Variants in COL14A1 observed in about 807,000 individuals in gnomAD.
The protein encoded by COL14A1 is collagen alpha-1(XIV) chain.
Under a neutral mutation model 230.3 loss-of-function variants are expected in COL14A1, and 136 were observed. That is an observed-to-expected ratio of 0.59 (90% CI 0.51 to 0.68). The LOEUF is 0.68. Among genes scored for constraint, COL14A1 ranks in the 30% least tolerant of loss-of-function variants. The probability of loss-of-function intolerance (pLI) is 0.00; values close to 1 mark genes in which losing one functional copy is unlikely to be tolerated. For missense variants in COL14A1, 1,976 were observed against 2,215.8 expected (o/e 0.89, Z 2.17); for synonymous variants, 792 against 784.1 (o/e 1.01, Z -0.17).
Position 120,255,270 on chromosome 8 carries a change from A to G in COL14A1, c.2783A>G (p.Lys928Arg). The stretch of plus-strand genomic sequence containing the variant: ...TTGGGTGTTACCAATCTCCAAGCCA[A>G]ACATGTTGAAATGACCAGCTTGTGT... ...LFLGVTNLQA[K>R]HVEMTSLCAH... The change falls in exon 23 of 48, where the codon AAA becomes AGA. Residue 928 changes from lysine (K) to arginine (R), a missense_variant. Lys to Arg is a conservative substitution (Grantham distance 26, BLOSUM62 2). This residue lies in a region of COL14A1 where 1,791 missense variants were observed against 2,019.5 expected (regional missense o/e 0.89). Coordinates refer to ENST00000297848, the MANE Select transcript of COL14A1 (RefSeq NM_021110.4). The G allele has an allele frequency of 1.2e-6, 2 of 1,614,182 alleles. No individual in the cohort carries two copies. Among genetic ancestry groups the G allele is most frequent in the South Asian group, 1.1e-5 (1 of 91,090 alleles).
At chr8:120,257,305 T>C (rs948046193) in intron 23 of COL14A1, among the ~76,000 whole-genome samples, 2 of 152,244 alleles carry the variant, frequency 1.3e-5, no homozygotes, top group Non-Finnish European at 1.5e-5. Context: ...AATGTACTTC[T>C]CATCAACATT....
At chr8:120,261,586 G>A (rs559475033) in intron 23 of COL14A1, among the ~76,000 whole-genome samples, 150 of 152,266 alleles carry the variant, frequency 9.9e-4, no homozygotes, top group African/African-American at 3.5e-3. Context: ...ATTTTTCTAT[G>A]GATGTGGGAA....
chr8:120,270,739 AT>A (rs1819642999), intron 26 of COL14A1, among the ~76,000 whole-genome samples: 1 of 151,812 alleles, frequency 6.6e-6, no homozygotes, highest in East Asian at 1.9e-4. Flanking sequence ...TGCTGGCAAG[AT>A]TGTGGAGAAA....
intron 24 of COL14A1, 77 bp downstream of exon 24, chr8:120,263,091 A>T: frequency 7.0e-7 from 1 of 1,432,792 alleles, no homozygotes; most frequent in East Asian, 2.5e-5. Flanking sequence ...TCCTTATCCC[A>T]TTTAGAAAAA....
chr8:120,346,047 C>G (rs1822498347), intron 45 of COL14A1, among the ~76,000 whole-genome samples: 1 of 152,244 alleles, frequency 6.6e-6, no homozygotes, highest in Non-Finnish European at 1.5e-5. Flanking sequence ...TGAATTGTAT[C>G]AGCATATGGT....
chr8:120,215,880 G>A (rs1817735836), intron 13 of COL14A1, among the ~76,000 whole-genome samples: 1 of 152,194 alleles, frequency 6.6e-6, no homozygotes, highest in Non-Finnish European at 1.5e-5. Context: ...GTTTGGACTG[G>A]TTAAGTTGGA....
chr8:120,147,966 A>T (rs919893407), intron 2 of COL14A1, 36 bp downstream of exon 2: 7 of 1,388,162 alleles, frequency 5.0e-6, no homozygotes, highest in African/African-American at 2.9e-5. Flanking sequence ...AGGGTCTGGG[A>T]CTCTAGCTTT....
intron 40 of COL14A1, among the ~76,000 whole-genome samples, chr8:120,328,694 G>A (rs1168723131): frequency 6.6e-6 from 1 of 152,198 alleles, no homozygotes; most frequent in Non-Finnish European, 1.5e-5. Flanking sequence ...CAGGGTCATA[G>A]ATGAGAGCAC....
At chr8:120,339,097 TACAGGCGTGTGCCACC>T (rs1354543867) in intron 42 of COL14A1, among the ~76,000 whole-genome samples, 10 of 152,198 alleles carry the variant, frequency 6.6e-5, no homozygotes, top group African/African-American at 2.4e-4. Flanking sequence ...TAGCTGGGAC[TACAGGCGTGTGCCACC>T]ACAGGCACGC....
intron 5 of COL14A1, among the ~76,000 whole-genome samples, chr8:120,184,748 T>C (rs1816592330): frequency 6.6e-6 from 1 of 152,154 alleles, no homozygotes; most frequent in African/African-American, 2.4e-5. Flanking sequence ...AGAGCCAGTG[T>C]TTTAGTTCAA....
rs542072706 is a variant in COL14A1, at chr8:120,154,802, T to C, written c.89-3328T>C. 9.8e-5 allele frequency among the ~76,000 whole-genome samples: 15 copies of C among 152,300 alleles called. No individual in the cohort carries two copies. The South Asian group carries it at 3.1e-3, about 32-fold the overall frequency. On this transcript the variant is annotated intron_variant, in intron 2 of 47. Transcript: ENST00000297848. ...TTAAGTATATGTTAAAAAAAAGTAC[T>C]TCCTTTGTGCTTGCAAACAGAAAAA...
intron 12 of COL14A1, 123 bp downstream of exon 12, chr8:120,210,024 A>T (rs1483978041): frequency 1.3e-6 from 1 of 766,358 alleles, no homozygotes; most frequent in Non-Finnish European, 1.8e-6. Flanking sequence ...AGAAAAAAAA[A>T]CACTTATAAT....
At chr8:120,344,997 G>A (rs60074058) in intron 44 of COL14A1, among the ~76,000 whole-genome samples, 3,159 of 152,170 alleles carry the variant, frequency 0.021, 114 homozygotes, top group African/African-American at 0.071. Flanking sequence ...GGCTTTGTGC[G>A]TTTTAGAAAA....
intron 36 of COL14A1, among the ~76,000 whole-genome samples, chr8:120,301,415 T>C (rs539911011): frequency 2.4e-4 from 37 of 152,136 alleles, no homozygotes; most frequent in Admixed American, 3.9e-4. Flanking sequence ...CCATGAGTTC[T>C]CATCATTTAG....
Position 120,262,910 on chromosome 8 carries a change from G to A in COL14A1, c.2912G>A (p.Arg971Lys), listed in dbSNP as rs1023854051. Residue 971 changes from arginine to lysine, a missense_variant, in exon 24 of 48, where the codon AGG becomes AAG. Physicochemically the swap from Arg to Lys is conservative, Grantham distance 26. Around this residue, in one of 3 missense-constraint regions of COL14A1, gnomAD observed 1,791 missense variants for 2,019.5 expected, o/e 0.89. Coordinates refer to ENST00000297848, the MANE Select transcript of COL14A1 (RefSeq NM_021110.4). Reference protein sequence around the residue: ...QESTVGGGTTRHCFYGLQPDS... With the variant: ...QESTVGGGTTKHCFYGLQPDS... ...TCCACTGTGGGTGGAGGGACAACCA[G>A]GCATTGCTTCTATGGACTTCAGCCT... The A allele has an allele frequency of 6.2e-7, 1 of 1,613,400 alleles. No individual in the cohort carries two copies. Among genetic ancestry groups the A allele is most frequent in the African/African-American group, 1.3e-5 (1 of 74,852 alleles).
chr8:120,282,004 C>T (rs567058236), intron 31 of COL14A1, among the ~76,000 whole-genome samples: 161 of 152,226 alleles, frequency 1.1e-3, no homozygotes, highest in African/African-American at 3.8e-3. Context: ...TACATGTGCA[C>T]ATTGTGCAGT....
At chr8:120,262,767 G>T in intron 23 of COL14A1, 101 bp from the exon 24 acceptor site, 1 of 1,140,462 alleles carries the variant, frequency 8.8e-7, no homozygotes, top group Non-Finnish European at 1.2e-6. Flanking sequence ...ATCTGATGTG[G>T]GCTAACATGT....
At chr8:120,199,673 A>G in intron 8 of COL14A1, 107 bp downstream of exon 8, 1 of 1,181,298 alleles carries the variant, frequency 8.5e-7, no homozygotes, top group Non-Finnish European at 1.2e-6. Context: ...AGACCTGAGC[A>G]CTTTCTAGTC....
chr8:120,129,282 C>T (rs918935460), intron 1 of COL14A1, among the ~76,000 whole-genome samples: 3 of 152,100 alleles, frequency 2.0e-5, no homozygotes, highest in African/African-American at 7.2e-5. Context: ...GGAAAACTTC[C>T]TGAAGGAAAG....
Sources: allele counts gnomAD v4.1 joint callset (sites outside exome capture counted in the v4.1 genomes callset), GRCh38; gene constraint gnomAD v4.1.1; regional missense constraint gnomAD v4.1.1; transcripts MANE v1.5; gene names NCBI Gene and HGNC (gene_info 2026-07-23, HGNC 2026-07-21).